Variants in CSMD1 observed in about 807,000 individuals in gnomAD.
CSMD1 encodes CUB and sushi domain-containing protein 1.
Under a neutral mutation model 417.5 loss-of-function variants are expected in CSMD1, and 213 were observed. That is an observed-to-expected ratio of 0.51 (90% CI 0.46 to 0.57). The LOEUF is 0.57. Ranked by LOEUF, CSMD1 falls within the 20% of genes least tolerant of loss-of-function variation. CSMD1 has a pLI of 0.00. For missense variants in CSMD1, 6,923 were observed against 4,529.7 expected (o/e 1.53, Z -15.17); for synonymous variants, 2,862 against 1,736.8 (o/e 1.65, Z -16.11).
At chr8:4,376,446 C>G (rs975138942) in intron 3 of CSMD1, among the ~76,000 whole-genome samples, 1 of 152,080 alleles carries the variant, frequency 6.6e-6, no homozygotes, top group Non-Finnish European at 1.5e-5. Flanking sequence ...ATATTTTCGG[C>G]TTATTCTGTA....
chr8:3,993,537 A>G (rs952614893), intron 5 of CSMD1, among the ~76,000 whole-genome samples: 2 of 152,258 alleles, frequency 1.3e-5, no homozygotes, highest in African/African-American at 4.8e-5. Flanking sequence ...TTAATAGTAA[A>G]ATTGTGCTGG....
chr8:4,630,198 T>A (rs1166153287), intron 2 of CSMD1, among the ~76,000 whole-genome samples: 2 of 152,074 alleles, frequency 1.3e-5, no homozygotes, highest in African/African-American at 2.4e-5. Context: ...TGTTTTCTTA[T>A]TTTATCACAG....
intron 12 of CSMD1, among the ~76,000 whole-genome samples, chr8:3,451,440 T>A (rs1815707253): frequency 2.0e-5 from 3 of 152,258 alleles, no homozygotes; most frequent in Non-Finnish European, 4.4e-5. Flanking sequence ...AGGGTTTTTA[T>A]GGTTTTAGGG....
chr8:4,652,361 A>G (rs530152967), intron 1 of CSMD1, among the ~76,000 whole-genome samples: 1 of 145,198 alleles, frequency 6.9e-6, no homozygotes, highest in African/African-American at 2.6e-5. Flanking sequence ...CTTTTGAAAC[A>G]AACATATGAG....
intron 3 of CSMD1, among the ~76,000 whole-genome samples, chr8:4,282,576 A>T (rs1428136566): frequency 6.6e-6 from 1 of 152,220 alleles, no homozygotes; most frequent in African/African-American, 2.4e-5. Context: ...AATTATCTTA[A>T]ATGAATTGAT....
chr8:4,449,115 A>G (rs1381068276), intron 2 of CSMD1, among the ~76,000 whole-genome samples: 1 of 152,224 alleles, frequency 6.6e-6, no homozygotes, highest in East Asian at 1.9e-4. Flanking sequence ...TGCAAAAATA[A>G]AACAAGCTAA....
chr8:4,148,691 G>C (rs1430212106), intron 3 of CSMD1, among the ~76,000 whole-genome samples: 2 of 152,050 alleles, frequency 1.3e-5, no homozygotes, highest in Non-Finnish European at 2.9e-5. Context: ...CTTCTAGTAA[G>C]GGCACTCAGC....
intron 1 of CSMD1, among the ~76,000 whole-genome samples, chr8:4,862,957 A>T (rs1186542938): frequency 6.6e-6 from 1 of 151,956 alleles, no homozygotes; most frequent in African/African-American, 2.4e-5. Context: ...AATGGCCACA[A>T]AGCCAAGTCA....
At position 4,470,579 on chromosome 8, in the gene CSMD1, TA is replaced by T. The variant is rs1402800228; in HGVS notation, c.303-50515del. Among the ~76,000 whole-genome samples, 13 of 152,276 alleles carry T rather than the reference TA, an allele frequency of 8.5e-5. No homozygotes were observed. The South Asian group carries it at 2.7e-3, about 32-fold the overall frequency. ...GATTCAGAGTGAATGTACAACCAAA[TA>T]ATATAACTGCCAAACACTGGTCTAA... On this transcript the variant is annotated intron_variant, in intron 2 of 69. Transcript: ENST00000635120.
intron 3 of CSMD1, among the ~76,000 whole-genome samples, chr8:4,318,917 G>A (rs1033761254): frequency 6.6e-6 from 1 of 152,024 alleles, no homozygotes; most frequent in Admixed American, 6.6e-5. Context: ...AGTCAGAAGT[G>A]GGTTTTTAAT....
intron 3 of CSMD1, among the ~76,000 whole-genome samples, chr8:4,379,734 G>C (rs1359485937): frequency 1.3e-5 from 2 of 152,122 alleles, no homozygotes; most frequent in Non-Finnish European, 2.9e-5. Context: ...AACAGTGGCA[G>C]AAAGTATGAT....
chr8:4,004,873 T>A (rs1019175866), intron 4 of CSMD1, among the ~76,000 whole-genome samples: 1 of 152,118 alleles, frequency 6.6e-6, no homozygotes, highest in African/African-American at 2.4e-5. Context: ...GCCTCCCGAG[T>A]AGCTGGGACT....
intron 3 of CSMD1, among the ~76,000 whole-genome samples, chr8:4,339,711 A>G (rs1022057578): frequency 1.3e-5 from 2 of 152,054 alleles, no homozygotes; most frequent in Non-Finnish European, 2.9e-5. Context: ...GTGAGAAGAA[A>G]ATGAAAGAGG....
chr8:4,747,069 T>C (rs965904124), intron 1 of CSMD1, among the ~76,000 whole-genome samples: 1 of 152,150 alleles, frequency 6.6e-6, no homozygotes, highest in Non-Finnish European at 1.5e-5. Context: ...CACCATCCTC[T>C]GGGGCTAGAG....
At chr8:4,404,774 G>C (rs1464449658) in intron 3 of CSMD1, among the ~76,000 whole-genome samples, 1 of 151,862 alleles carries the variant, frequency 6.6e-6, no homozygotes, top group African/African-American at 2.4e-5. Context: ...AAGTTGAATA[G>C]CCATAAGCAA....
At chr8:3,399,245 C>A (rs898256989) in intron 16 of CSMD1, 146 bp downstream of exon 16, 1 of 657,150 alleles carries the variant, frequency 1.5e-6, no homozygotes, top group South Asian at 2.5e-5. Context: ...ACAAAACTTA[C>A]AAGTAAGTGC....
chr8:3,865,571 G>A (rs186690208), intron 5 of CSMD1, among the ~76,000 whole-genome samples: 42 of 152,236 alleles, frequency 2.8e-4, no homozygotes, highest in East Asian at 2.3e-3. Flanking sequence ...GTGGGAAGCC[G>A]CAGGAGAATT....
chr8:3,439,281 G>GTGTGTATATATATATATATATA (rs1407744154), intron 12 of CSMD1, among the ~76,000 whole-genome samples: 71 of 54,302 alleles, frequency 1.3e-3, no homozygotes, highest in Admixed American at 1.7e-3. Context: ...GGCAATGTCA[G>GTGTGTATATATATATATATATA]TATATATATA....
At chr8:3,129,498 G>C (rs1001029995) in intron 41 of CSMD1, among the ~76,000 whole-genome samples, 1 of 152,184 alleles carries the variant, frequency 6.6e-6, no homozygotes, top group African/African-American at 2.4e-5. Context: ...AGCTGGGCCG[G>C]GTTCAGTGGC....
Sources: gnomAD v4.1 joint callset for allele counts (sites outside exome capture counted in the v4.1 genomes callset) on GRCh38, gnomAD v4.1.1 for gene constraint, MANE v1.5 for transcripts, NCBI Gene and HGNC (gene_info 2026-07-23, HGNC 2026-07-21) for gene names.